The following TRPV5 variants were observed in gnomAD, a reference collection of about 807,000 sequenced individuals.
TRPV5 encodes the protein calcium transport protein 2.
A neutral mutation model predicts 74.1 loss-of-function variants in TRPV5; 66 were observed. The ratio of observed to expected loss-of-function variants is 0.89; its 90% CI spans 0.73 to 1.09. The LOEUF (loss-of-function observed/expected upper bound fraction) is 1.09, where lower values mean the gene tolerates loss of function less well. Ranked by LOEUF, TRPV5 falls within the 50% of genes least tolerant of loss-of-function variation. The pLI is 0.00. For synonymous variants in TRPV5, 399 were observed against 360.7 expected (o/e 1.11, Z -1.20); for missense variants, 936 against 930.4 (o/e 1.01, Z -0.08).
At position 142,925,916 on chromosome 7, in the gene TRPV5, A is replaced by G. The variant is rs146243098; in HGVS notation, c.910-175T>C. Among the ~76,000 whole-genome samples, 14 of 152,360 alleles carry G rather than the reference A, an allele frequency of 9.2e-5. No individual in the cohort carries two copies. In the East Asian group the frequency reaches 2.7e-3, roughly 29 times the overall value. ...TGGCTGGGCCTTGTGCTAGTGATAC[A>G]GGTAAATGACTATAGCAGTAAACAC... On this transcript the variant is annotated intron_variant, in intron 7 of 14. Coordinates refer to ENST00000265310, the MANE Select transcript of TRPV5 (RefSeq NM_019841.7).
At chr7:142,932,378 G>A (rs1402416461) in intron 1 of TRPV5, among the ~76,000 whole-genome samples, 1 of 152,178 alleles carries the variant, frequency 6.6e-6, no homozygotes, top group Admixed American at 6.5e-5. Context: ...AGGAAGCAGA[G>A]GGCTTGACAG....
chr7:142,909,537 G>A lies in TRPV5; in HGVS notation c.1848C>T (p.Ser616=), dbSNP rs368151896. The change falls in exon 14 of 15, where the codon TCC becomes TCT. Residue 616 remains serine, a synonymous_variant. Coordinates refer to ENST00000265310, the MANE Select transcript of TRPV5 (RefSeq NM_019841.7). ...GCCCGAATTCGCACCCACAGATCCC[G>A]GAGCGAGGCCACAGGCAGCGAGGCA... is the stretch of plus-strand genomic sequence containing the variant. ...RKLPRCLWPR[S]GICGCEFGLG... 1,152 of 1,614,066 alleles carry A rather than the reference G, an allele frequency of 7.1e-4. 17 individuals are homozygous for A. The South Asian group carries it at 0.012, about 17-fold the overall frequency.
At position 142,925,823 on chromosome 7, in the gene TRPV5, G is replaced by A. The variant is rs905462472; in HGVS notation, c.910-82C>T. On this transcript the variant is annotated intron_variant, in intron 7 of 14. Coordinates refer to ENST00000265310, the MANE Select transcript of TRPV5 (RefSeq NM_019841.7). ...CCCACTGGGGGCCAGAAGAGGCAGG[G>A]CAGCAACCATCACTCACTCAGCTCA... 5 of 1,208,838 alleles carry A rather than the reference G, an allele frequency of 4.1e-6. No homozygotes were observed. The Admixed American group carries it at 7.9e-5, about 19-fold the overall frequency. 74.9% of individuals were successfully genotyped at this position (1,208,838 alleles called of 1,614,324 possible). A position where few individuals can be genotyped will look rare whatever the true frequency, so the allele number is the denominator to read the frequency against.
In TRPV5 at chr7:142,925,741, C is replaced by G. The variant is rs775454192; in HGVS notation, c.910G>C (p.Ala304Pro). ...ELVVSSDKRE[A>P]RQILEQTPVK... is the part of the protein sequence containing the mutation. ...GGGGTCTGTTCCAGAATTTGGCGAGCCTGGCATGGAAGTAGAGTGAAACTT... is the reference window on the plus strand; with the variant it reads ...GGGGTCTGTTCCAGAATTTGGCGAGGCTGGCATGGAAGTAGAGTGAAACTT... Residue 304 changes from alanine (A) to proline (P), a missense_variant and splice_region_variant, in exon 8 of 15, where the codon GCT becomes CCT. Ala to Pro is a conservative substitution (Grantham distance 27). Coordinates refer to ENST00000265310, the MANE Select transcript of TRPV5 (RefSeq NM_019841.7). The G allele has an allele frequency of 1.2e-6, 2 of 1,613,316 alleles. No individual in the cohort carries two copies. The highest frequency in any genetic ancestry group is 2.2e-5 in the East Asian group (1 of 44,866).
rs1795941120 is a variant in TRPV5 at position 142,924,329 on chromosome 7, TATATATACATATATATATATATAG to T, written c.1122+1176_1122+1199del. ...ATATATATACACACATATACATGTA[TATATATACATATATATATATATAG>T]ACATATACATGTATATATATACATA... On this transcript the variant is annotated intron_variant, in intron 8 of 14. Coordinates refer to ENST00000265310, the MANE Select transcript of TRPV5 (RefSeq NM_019841.7). Among the ~76,000 whole-genome samples, 2 of 5,222 alleles carry T rather than the reference TATATATACATATATATATATATAG, an allele frequency of 3.8e-4. 1 individual carries two copies. Among genetic ancestry groups the T allele is most frequent in the Non-Finnish European group, 1.3e-3 (2 of 1,534 alleles). 3.4% of individuals were successfully genotyped at this position (5,222 alleles called of 152,430 possible). A position where few individuals can be genotyped will look rare whatever the true frequency, so the allele number is the denominator to read the frequency against.
Position 142,910,459 on chromosome 7 carries a change from C to T in TRPV5, c.1789-863G>A, listed in dbSNP as rs576361254. 5.4e-4 allele frequency among the ~76,000 whole-genome samples: 82 copies of T among 152,258 alleles called. 2 individuals are homozygous for T. In the South Asian group the frequency reaches 9.1e-3, roughly 17 times the overall value. ...GGAAAGGCATAGTCCCGCTTTGTAC[C>T]GCATTGCCCTAATCATACTGGGGAC... On this transcript the variant is annotated intron_variant, in intron 13 of 14. Coordinates refer to ENST00000265310, the MANE Select transcript of TRPV5 (RefSeq NM_019841.7).
At position 142,929,566 on chromosome 7, in the gene TRPV5, C is replaced by G. The variant is rs1448907714; in HGVS notation, c.350-1G>C. On this transcript the variant is annotated splice_acceptor_variant, in intron 3 of 14. Transcript: ENST00000265310. LOFTEE classifies it high-confidence loss of function. ...ACAGCGATGTGCAGTGCAGTCTGAC[C>G]TGGCCCAGAGACAGCCATCATCAGG... 1 of 1,612,730 alleles carries G rather than the reference C, an allele frequency of 6.2e-7. No homozygotes were observed. The highest frequency in any genetic ancestry group is 1.7e-5 in the Admixed American group (1 of 60,000).
At position 142,930,413 on chromosome 7, in the gene TRPV5, C is replaced by T; in HGVS notation, c.162G>A (p.Lys54=). 1.2e-6 allele frequency: 2 copies of T among 1,614,192 alleles called. No individual in the cohort carries two copies. Among genetic ancestry groups the T allele is most frequent in the Non-Finnish European group, 1.7e-6 (2 of 1,180,030 alleles). The stretch of plus-strand genomic sequence containing the variant: ...GCCTAAGAACAGACAGGTCATTTTC[C>T]TTGGATGCTCGAAGCAGTGGAGACT... ...ILESPLLRAS[K]ENDLSVLRQL... Residue 54 remains lysine, a synonymous_variant, in exon 2 of 15, where the codon AAG becomes AAA. Coordinates refer to ENST00000265310, the MANE Select transcript of TRPV5 (RefSeq NM_019841.7).
chr7:142,931,595 G>A (rs1231956051), intron 1 of TRPV5, among the ~76,000 whole-genome samples: 2 of 152,198 alleles, frequency 1.3e-5, no homozygotes, highest in Non-Finnish European at 2.9e-5. Flanking sequence ...TGGTGTAGGG[G>A]GAAGAACAGA....
chr7:142,915,007 CAT>C lies in TRPV5; in HGVS notation c.1324_1325del (p.Met442AlafsTer83). On this transcript the variant is annotated frameshift_variant, in exon 11 of 15. Coordinates refer to ENST00000265310, the MANE Select transcript of TRPV5 (RefSeq NM_019841.7). LOFTEE classifies it high-confidence loss of function. ...CCTCCCCATTGGTGTTGGTGAGCCG[CAT>C]CACCATGGTCACCAGCACCAGGGAG... is the stretch of plus-strand genomic sequence containing the variant. ...YASLVLVTMV[M>X]RLTNTNGEVV... is the part of the protein sequence containing the mutation. 1 of 1,614,122 alleles carries C rather than the reference CAT, an allele frequency of 6.2e-7. No homozygotes were observed.
chr7:142,932,489 G>T (rs560985116), intron 1 of TRPV5, among the ~76,000 whole-genome samples: 1 of 152,310 alleles, frequency 6.6e-6, no homozygotes, highest in East Asian at 1.9e-4. Flanking sequence ...GGACAGCAGG[G>T]CATTGAACAA....
rs144450335 is a variant in TRPV5 at position 142,929,062 on chromosome 7, G to A, written c.546C>T (p.Leu182=). 3 of 1,614,072 alleles carry A rather than the reference G, an allele frequency of 1.9e-6. No homozygotes were observed. The highest frequency in any genetic ancestry group is 1.3e-5 in the African/African-American group (1 of 75,000). The change falls in exon 5 of 15, where the codon CTC becomes CTT. Residue 182 remains leucine (L), a synonymous_variant. Coordinates refer to ENST00000265310, the MANE Select transcript of TRPV5 (RefSeq NM_019841.7). The stretch of plus-strand genomic sequence containing the variant: ...CCCTGATGTCAGCTCCATGCTCAAT[G>A]AGCAGCCGCACGATCTCCTCGCTGT... ...CVNSEEIVRL[L]IEHGADIRAQ...
At chr7:142,933,256 C>A (rs565211264) in intron 1 of TRPV5, 76 bp downstream of exon 1, 2 of 1,569,186 alleles carry the variant, frequency 1.3e-6, no homozygotes, top group African/African-American at 1.4e-5. Context: ...GTGCTGTATT[C>A]GGAAAGCAGG....
chr7:142,924,445 T>C (rs1007708457), intron 8 of TRPV5, among the ~76,000 whole-genome samples: 1 of 149,544 alleles, frequency 6.7e-6, no homozygotes, highest in Non-Finnish European at 1.5e-5. Context: ...AGATGGAGTG[T>C]CTCTACCTAG....
rs1795672821 is a variant in TRPV5 at position 142,909,547 on chromosome 7, C to A, written c.1838G>T (p.Trp613Leu). ...GCACCCACAGATCCCGGAGCGAGGC[C>A]ACAGGCAGCGAGGCAGCTTCCGCTC... Reference protein sequence around the residue: ...MLERKLPRCLWPRSGICGCEF... With the variant: ...MLERKLPRCLLPRSGICGCEF... Residue 613 changes from tryptophan to leucine, a missense_variant, in exon 14 of 15, where the codon TGG (tryptophan) becomes TTG (leucine). By Grantham distance (61) the Trp-to-Leu change is moderately conservative. Coordinates refer to ENST00000265310, the MANE Select transcript of TRPV5 (RefSeq NM_019841.7). The A allele has an allele frequency of 6.2e-7, 1 of 1,614,106 alleles. No homozygotes were observed. Among genetic ancestry groups the A allele is most frequent in the Middle Eastern group, 1.6e-4 (1 of 6,062 alleles).
intron 8 of TRPV5, among the ~76,000 whole-genome samples, chr7:142,924,345 TATATATAG>T (rs1322482859): frequency 5.4e-3 from 59 of 10,866 alleles, no homozygotes; most frequent in African/African-American, 9.9e-3. Flanking sequence ...TACATATATA[TATATATAG>T]ACATATACAT....
chr7:142,921,351 G>A (rs911611191), intron 8 of TRPV5, among the ~76,000 whole-genome samples: 50 of 152,176 alleles, frequency 3.3e-4, no homozygotes, highest in Middle Eastern at 3.4e-3. Flanking sequence ...GCGTGATCTC[G>A]GCTCACTGCA....
At chr7:142,915,633 A>T in intron 8 of TRPV5, 65 bp from the exon 9 acceptor site, 1 of 1,531,106 alleles carries the variant, frequency 6.5e-7, no homozygotes, top group Non-Finnish European at 9.0e-7. Flanking sequence ...TGTGCAAATG[A>T]TCGAAAGCTG....
intron 8 of TRPV5, among the ~76,000 whole-genome samples, chr7:142,919,425 C>T (rs1455282377): frequency 1.3e-5 from 2 of 152,118 alleles, no homozygotes; most frequent in South Asian, 2.1e-4. Context: ...GTAAGGAGGA[C>T]AGGAAGCGGG....
Sources: allele counts gnomAD v4.1 joint callset (sites outside exome capture counted in the v4.1 genomes callset), GRCh38; gene constraint gnomAD v4.1.1; transcripts MANE v1.5; gene names NCBI Gene and HGNC (gene_info 2026-07-23, HGNC 2026-07-21).